The following CABYR variants were observed in gnomAD, a reference collection of about 807,000 sequenced individuals.
CABYR encodes the protein calcium-binding tyrosine phosphorylation-regulated protein.
In CABYR, 31 loss-of-function variants were observed where a neutral mutation model predicts 36.1. The observed-to-expected ratio is 0.86, with a 90% CI of 0.64 to 1.16. The LOEUF (loss-of-function observed/expected upper bound fraction) is 1.16, where lower values mean the gene tolerates loss of function less well. Ranked by LOEUF, CABYR falls within the 50% of genes most tolerant of loss-of-function variation. The pLI is 0.00. For missense variants in CABYR, 429 were observed against 455.8 expected, an observed-to-expected ratio of 0.94 and a Z score of 0.53; for synonymous variants, 146 against 160.7, an observed-to-expected ratio of 0.91 and a Z score of 0.69.
chr18:24,160,080 T>G lies in CABYR; in HGVS notation c.1139+11T>G. 1 of 1,560,642 alleles carries G rather than the reference T, an allele frequency of 6.4e-7. No individual in the cohort carries two copies. ...AGAAACTGAAAACTGGTAGGTACAC[T>G]TTCCTACCATAATATTTAGGCCTTA... On this transcript the variant is annotated intron_variant, in intron 5 of 5. Coordinates refer to ENST00000399496, the MANE Select transcript of CABYR (RefSeq NM_153769.3).
At chr18:24,154,383 T>A (rs2085717691) in intron 3 of CABYR, among the ~76,000 whole-genome samples, 1 of 152,104 alleles carries the variant, frequency 6.6e-6, no homozygotes, top group African/African-American at 2.4e-5. Context: ...AAGAGGTGAA[T>A]GGTTAGGAAA....
chr18:24,155,424 A>C (rs1236071866), intron 3 of CABYR, among the ~76,000 whole-genome samples: 1 of 152,238 alleles, frequency 6.6e-6, no homozygotes, highest in Admixed American at 6.5e-5. Flanking sequence ...TGGAAAACAA[A>C]GCTGAAAACT....
chr18:24,141,880 A>G (rs1336382459), intron 1 of CABYR, among the ~76,000 whole-genome samples: 1 of 152,172 alleles, frequency 6.6e-6, no homozygotes, highest in Non-Finnish European at 1.5e-5. Context: ...GGGAGATATG[A>G]GAAACGAAAG....
intron 3 of CABYR, chr18:24,150,674 T>G (rs1348275391): frequency 1.7e-6 from 1 of 593,228 alleles, no homozygotes; most frequent in Non-Finnish European, 2.1e-6. Context: ...AGTTGGAATC[T>G]TTTGTTTTAA....
At chr18:24,151,406 A>G (rs1202268701) in intron 3 of CABYR, among the ~76,000 whole-genome samples, 1 of 152,218 alleles carries the variant, frequency 6.6e-6, no homozygotes, top group African/African-American at 2.4e-5. Flanking sequence ...TAATCTTCAT[A>G]AGGTTGAAAG....
intron 4 of CABYR, chr18:24,156,615 G>A (rs753369114): frequency 6.2e-7 from 1 of 1,614,166 alleles, no homozygotes; most frequent in Non-Finnish European, 8.5e-7. Context: ...GGAGGAGAAT[G>A]CAAAATATTC....
intron 3 of CABYR, among the ~76,000 whole-genome samples, chr18:24,149,627 G>C (rs1044752147): frequency 4.6e-5 from 7 of 152,220 alleles, no homozygotes; most frequent in African/African-American, 1.7e-4. Flanking sequence ...GGGGAGGCTC[G>C]GGCCGCACAG....
chr18:24,155,529 C>G (rs1232965807), intron 3 of CABYR, among the ~76,000 whole-genome samples, 172 bp from the exon 4 acceptor site: 1 of 151,890 alleles, frequency 6.6e-6, no homozygotes, highest in East Asian at 1.9e-4. Context: ...TCACTGTTGC[C>G]CAGGCTGGTC....
At chr18:24,150,875 G>C (rs1239072695) in intron 3 of CABYR, among the ~76,000 whole-genome samples, 1 of 151,136 alleles carries the variant, frequency 6.6e-6, no homozygotes, top group East Asian at 2.0e-4. Context: ...CGCCTCCCGG[G>C]TTCACGCCAT....
At position 24,159,585 on chromosome 18, in the gene CABYR, C is replaced by T. The variant is rs535304176; in HGVS notation, c.655C>T (p.Pro219Ser). ...GHPSPPPAPG[P>S]FPQATLYLPN... is the part of the protein sequence containing the mutation. ...CCCATCACCGCCACCTGCACCTGGG[C>T]CTTTTCCCCAAGCAACCCTCTATTT... The change falls in exon 5 of 6, where the codon CCT becomes TCT. Residue 219 changes from proline to serine, a missense_variant. By Grantham distance (74) the Pro-to-Ser change is moderately conservative. Coordinates refer to ENST00000399496, the MANE Select transcript of CABYR (RefSeq NM_153769.3). 3 of 1,614,046 alleles carry T rather than the reference C, an allele frequency of 1.9e-6. No individual in the cohort carries two copies. In the South Asian group the frequency reaches 3.3e-5, roughly 18 times the overall value.
At position 24,159,928 on chromosome 18, in the gene CABYR, C is replaced by T. The variant is rs575183641; in HGVS notation, c.998C>T (p.Ser333Phe). 1.4e-4 allele frequency: 228 copies of T among 1,614,166 alleles called. 2 individuals carry two copies. The South Asian group carries it at 2.4e-3, about 17-fold the overall frequency. Reference sequence around the variant, plus strand: ...AGGCCAAAAAGCCCTGTTTTCCTTTCTGTTGCTTTCCCAGTAGAAGATGTA... The same window carrying T: ...AGGCCAAAAAGCCCTGTTTTCCTTTTTGTTGCTTTCCCAGTAGAAGATGTA... Reference protein sequence around the residue: ...VPRPKSPVFLSVAFPVEDVAK... With the variant: ...VPRPKSPVFLFVAFPVEDVAK... Residue 333 changes from serine to phenylalanine, a missense_variant, in exon 5 of 6, where the codon TCT (serine) becomes TTT (phenylalanine). By Grantham distance (155) the Ser-to-Phe change is radical (BLOSUM62 -2). Transcript: ENST00000399496.
In CABYR at chr18:24,155,852, CAA is replaced by C; in HGVS notation, c.354_355del (p.Lys118AsnfsTer14). On this transcript the variant is annotated frameshift_variant, in exon 4 of 6. Coordinates refer to ENST00000399496, the MANE Select transcript of CABYR (RefSeq NM_153769.3). LOFTEE classifies it high-confidence loss of function. The part of the protein sequence containing the change: ...DNVTRTEYSD[K>X]TTQFPSVYAV... ...ATGTAACCAGAACAGAATATAGTGA[CAA>C]AACCACCCAGTTTCCATCAGTTTAT... 6.2e-7 allele frequency: 1 copy of C among 1,614,176 alleles called. No individual in the cohort carries two copies. Among genetic ancestry groups the C allele is most frequent in the Non-Finnish European group, 8.5e-7 (1 of 1,180,034 alleles).
At chr18:24,160,336 C>G (rs2085923133) in intron 5 of CABYR, 3 of 429,298 alleles carry the variant, frequency 7.0e-6, no homozygotes, top group Non-Finnish European at 1.2e-5. Flanking sequence ...CTTTGAATAC[C>G]TAGTCCATTG....
chr18:24,142,642 G>GT (rs1368916940), intron 1 of CABYR, among the ~76,000 whole-genome samples: 4 of 104,712 alleles, frequency 3.8e-5, no homozygotes, highest in Middle Eastern at 4.5e-3. Context: ...GTAGGGTTGT[G>GT]TGTTTTTTTT....
rs1180630722 is a variant in CABYR at position 24,146,019 on chromosome 18, G to A, written c.199+2606G>A. Among the ~76,000 whole-genome samples the A allele has an allele frequency of 2.6e-5, 4 of 152,086 alleles. No homozygotes were observed. In the East Asian group the frequency reaches 5.8e-4, roughly 22 times the overall value. ...AATTAACAATCAGAGCCTTTACAAC[G>A]TGTCATTTACAGTTTCCAGCATACA... is the stretch of plus-strand genomic sequence containing the variant. On this transcript the variant is annotated intron_variant, in intron 3 of 5. Transcript: ENST00000399496.
At chr18:24,150,704 C>A in intron 3 of CABYR, 1 of 305,684 alleles carries the variant, frequency 3.3e-6, no homozygotes, top group Non-Finnish European at 4.8e-6. Flanking sequence ...AGATTACGTA[C>A]CATACATATT....
chr18:24,146,829 T>C (rs987908363), intron 3 of CABYR, among the ~76,000 whole-genome samples: 2 of 152,030 alleles, frequency 1.3e-5, no homozygotes, highest in African/African-American at 4.8e-5. Flanking sequence ...ATAGAAACCA[T>C]AGAAGCCAAA....
At position 24,149,229 on chromosome 18, in the gene CABYR, C is replaced by G. The variant is rs540710562; in HGVS notation, c.199+5816C>G. Among the ~76,000 whole-genome samples the G allele has an allele frequency of 2.0e-5, 3 of 151,574 alleles. No individual in the cohort carries two copies. The East Asian group carries it at 5.8e-4, about 29-fold the overall frequency. On this transcript the variant is annotated intron_variant, in intron 3 of 5. Coordinates refer to ENST00000399496, the MANE Select transcript of CABYR (RefSeq NM_153769.3). Reference sequence around the variant, plus strand: ...GGTGCTGATTGGTGCGTTTACAAACCTTGAGCTAGATACAGAGTGCCGATT... The same window carrying G: ...GGTGCTGATTGGTGCGTTTACAAACGTTGAGCTAGATACAGAGTGCCGATT...
chr18:24,159,401 A>T (rs2085885546), intron 4 of CABYR, 71 bp from the exon 5 acceptor site: 1 of 1,031,280 alleles, frequency 9.7e-7, no homozygotes, highest in Non-Finnish European at 1.5e-6. Flanking sequence ...AGAGACTTAC[A>T]AAGACATTAC....
Sources: allele counts gnomAD v4.1 joint callset (sites outside exome capture counted in the v4.1 genomes callset), GRCh38; gene constraint gnomAD v4.1.1; transcripts MANE v1.5; gene names NCBI Gene and HGNC (gene_info 2026-07-23, HGNC 2026-07-21).